C21orf58: variants seen among roughly 807,000 people sequenced by gnomAD.
The protein encoded by C21orf58 is chromosome 21 open reading frame 58, also known as uncharacterized protein C21orf58.
In C21orf58, 34 loss-of-function variants were observed where a neutral mutation model predicts 35.8. The ratio of observed to expected loss-of-function variants is 0.95; its 90% CI spans 0.72 to 1.26. The LOEUF (loss-of-function observed/expected upper bound fraction) is 1.26, where lower values mean the gene tolerates loss of function less well. Ranked by LOEUF, C21orf58 falls within the 50% of genes most tolerant of loss-of-function variation. The pLI, the probability that C21orf58 is intolerant of heterozygous loss-of-function variation, is 0.00. For missense variants in C21orf58, 440 were observed against 414.3 expected, an observed-to-expected ratio of 1.06 and a Z score of -0.54; for synonymous variants, 191 against 175.8, an observed-to-expected ratio of 1.09 and a Z score of -0.68.
At chr21:46,310,517 T>C (rs1287800133) in intron 6 of C21orf58, among the ~76,000 whole-genome samples, 1 of 147,858 alleles carries the variant, frequency 6.8e-6, no homozygotes, top group African/African-American at 2.5e-5. Context: ...AAACAAAACT[T>C]GTCAAATTGG....
intron 4 of C21orf58, 70 bp from the exon 5 acceptor site, chr21:46,314,950 ATCAGGC>A: frequency 6.5e-7 from 1 of 1,550,322 alleles, no homozygotes; most frequent in South Asian, 1.2e-5. Context: ...CACCCCCAGC[ATCAGGC>A]TCAGGCCAGC....
chr21:46,317,897 C>T (rs2083034629), intron 2 of C21orf58, 115 bp downstream of exon 2: 2 of 1,180,858 alleles, frequency 1.7e-6, no homozygotes, highest in Non-Finnish European at 2.4e-6. Flanking sequence ...CTGCCAGCCC[C>T]AGGCCTAGCC....
In C21orf58 at chr21:46,322,679, C is replaced by T; in HGVS notation, c.60G>A (p.Gln20=). ...GGCCTGAGTCAGGAGAAGGAAGTTT[C>T]TGGCGGTCGAGCTTCCACGGCTTCC... ...SLRKPWKLDR[Q]KLPSPDSGHS... is the part of the protein sequence containing the mutation. The change falls in exon 1 of 8, where the codon CAG becomes CAA. Residue 20 remains glutamine, a synonymous_variant. Coordinates refer to ENST00000291691, the MANE Select transcript of C21orf58 (RefSeq NM_058180.5). 6.3e-7 allele frequency: 1 copy of T among 1,590,208 alleles called. No individual in the cohort carries two copies. The highest frequency in any genetic ancestry group is 8.6e-7 in the Non-Finnish European group (1 of 1,167,842).
At chr21:46,304,175 C>T (rs1331951020) in intron 6 of C21orf58, among the ~76,000 whole-genome samples, 6 of 150,524 alleles carry the variant, frequency 4.0e-5, no homozygotes, top group Non-Finnish European at 7.4e-5. Flanking sequence ...TACAAGCACC[C>T]GCCACCACGC....
chr21:46,320,348 C>T lies in C21orf58; in HGVS notation c.101-2128G>A, dbSNP rs371677233. ...GAACTCCTGACCTCAAGTGATCTGCCGTCTTGGCCTCCCAAAGTGCTAGGA... is the reference window on the plus strand; with the variant it reads ...GAACTCCTGACCTCAAGTGATCTGCTGTCTTGGCCTCCCAAAGTGCTAGGA... On this transcript the variant is annotated intron_variant, in intron 1 of 7. Coordinates refer to ENST00000291691, the MANE Select transcript of C21orf58 (RefSeq NM_058180.5). Among the ~76,000 whole-genome samples, 9 of 151,776 alleles carry T rather than the reference C, an allele frequency of 5.9e-5. 1 individual carries two copies. The highest frequency in any genetic ancestry group is 3.3e-4 in the Admixed American group (5 of 15,230).
chr21:46,300,708 C>A, downstream of C21orf58: 1 of 1,286,040 alleles, frequency 7.8e-7, no homozygotes, highest in South Asian at 1.2e-5. Context: ...TCTGGTCATC[C>A]TGTCTCCTAC....
chr21:46,317,482 A>G (rs942081185), intron 2 of C21orf58: 2 of 745,146 alleles, frequency 2.7e-6, no homozygotes, highest in African/African-American at 1.8e-5. Context: ...TGTTCCATCC[A>G]CAAGTCTAGG....
At chr21:46,318,325 G>T in intron 1 of C21orf58, 105 bp from the exon 2 acceptor site, 1 of 1,517,562 alleles carries the variant, frequency 6.6e-7, no homozygotes, top group Non-Finnish European at 8.8e-7. Context: ...CAGGCTGCCA[G>T]ACACAGGGAG....
chr21:46,306,430 C>T (rs753234401), intron 6 of C21orf58, among the ~76,000 whole-genome samples: 5 of 152,006 alleles, frequency 3.3e-5, no homozygotes, highest in Admixed American at 6.6e-5. Context: ...ACCTAGGAGG[C>T]GGAGGTTGCA....
chr21:46,323,030 G>T lies in C21orf58; in HGVS notation c.-292C>A. The stretch of plus-strand genomic sequence containing the variant: ...AGACTTGGACACATGAAATAAAGGG[G>T]TTAGCTGAAGGAATACTCCACAGTT... On this transcript the variant is annotated 5_prime_UTR_variant, in exon 1 of 8. Transcript: ENST00000291691. 4.0e-6 allele frequency: 1 copy of T among 249,782 alleles called. No homozygotes were observed. The highest frequency in any genetic ancestry group is 7.6e-6 in the Non-Finnish European group (1 of 131,984). The allele number at this position is 249,782 out of a possible 1,614,324, so 15.5% of individuals were successfully genotyped here. A position where few individuals can be genotyped will look rare whatever the true frequency, so the allele number is the denominator to read the frequency against.
At chr21:46,309,856 C>T (rs191878202) in intron 6 of C21orf58, among the ~76,000 whole-genome samples, 71 of 151,910 alleles carry the variant, frequency 4.7e-4, no homozygotes, top group African/African-American at 1.3e-3. Flanking sequence ...ATTAGCAGGG[C>T]GTGGTGGCGG....
chr21:46,314,831 G>C lies in C21orf58; in HGVS notation c.494C>G (p.Pro165Arg). 6.5e-7 allele frequency: 1 copy of C among 1,549,948 alleles called. No individual in the cohort carries two copies. The highest frequency in any genetic ancestry group is 8.7e-7 in the Non-Finnish European group (1 of 1,146,590). The part of the protein sequence containing the change: ...ELSRAQAWSG[P>R]SRGALGSALP... ...GGCTGACCCGAGGGCTCCTCTGCTT[G>C]GCCCGCTCCAGGCCTGGGCCCGAGA... The change falls in exon 5 of 8, where the codon CCA becomes CGA. Residue 165 changes from proline (P) to arginine (R), a missense_variant. Physicochemically the swap from Pro to Arg is moderately radical, Grantham distance 103. Transcript: ENST00000291691.
At chr21:46,312,736 T>C (rs932027112) in intron 5 of C21orf58, among the ~76,000 whole-genome samples, 1 of 152,216 alleles carries the variant, frequency 6.6e-6, no homozygotes, top group Non-Finnish European at 1.5e-5. Context: ...GGCTTTAATT[T>C]GCATTTCCCT....
chr21:46,314,402 C>T (rs2082878506), intron 5 of C21orf58, among the ~76,000 whole-genome samples: 1 of 152,146 alleles, frequency 6.6e-6, no homozygotes, highest in Non-Finnish European at 1.5e-5. Context: ...GAGGAGTTGA[C>T]ACACTTCCCC....
At position 46,301,649 on chromosome 21, in the gene C21orf58, G is replaced by A. The variant is rs554202030; in HGVS notation, c.*350C>T. ...ATTTCATCAGGCTGGTGGCGTCCAC[G>A]GCCTCAACTTTACCTCCGTGATGGA... is the stretch of plus-strand genomic sequence containing the variant. On this transcript the variant is annotated 3_prime_UTR_variant, in exon 8 of 8. Coordinates refer to ENST00000291691, the MANE Select transcript of C21orf58 (RefSeq NM_058180.5). 25 of 1,094,018 alleles carry A rather than the reference G, an allele frequency of 2.3e-5. No homozygotes were observed. In the East Asian group the frequency reaches 7.1e-4, roughly 31 times the overall value. 67.8% of individuals were successfully genotyped at this position (1,094,018 alleles called of 1,614,324 possible). A position where few individuals can be genotyped will look rare whatever the true frequency, so the allele number is the denominator to read the frequency against.
Position 46,323,203 on chromosome 21 carries a change from C to G in C21orf58, c.-465G>C, listed in dbSNP as rs2083234874. ...CACAGGTCACAGGCGGTGCGGACCC[C>G]GGGACTGTGTCCGGGCTTCGGTGTC... On this transcript the variant is annotated 5_prime_UTR_variant, in exon 1 of 8. Transcript: ENST00000291691. The G allele has an allele frequency of 6.6e-6, 1 of 152,464 alleles. No homozygotes were observed. The highest frequency in any genetic ancestry group is 2.4e-5 in the African/African-American group (1 of 41,444). 9.4% of individuals were successfully genotyped at this position (152,464 alleles called of 1,614,324 possible). A position where few individuals can be genotyped will look rare whatever the true frequency, so the allele number is the denominator to read the frequency against.
At chr21:46,315,068 T>C in intron 4 of C21orf58, 188 bp from the exon 5 acceptor site, 1 of 1,469,872 alleles carries the variant, frequency 6.8e-7, no homozygotes, top group Non-Finnish European at 9.1e-7. Flanking sequence ...GACCCAAGCG[T>C]GTCAGCTAGT....
In C21orf58 at chr21:46,322,694, C is replaced by T; in HGVS notation, c.45G>A (p.Trp15Ter). ...RLPATSLRKPWKLDRQKLPSP... is the reference protein window; with the variant it reads ...RLPATSLRKP ...AAGGAAGTTTCTGGCGGTCGAGCTTCCACGGCTTCCTGAGGGAGGTTGCAG... is the reference window on the plus strand; with the variant it reads ...AAGGAAGTTTCTGGCGGTCGAGCTTTCACGGCTTCCTGAGGGAGGTTGCAG... Residue 15 changes from tryptophan to a stop codon, truncating the protein, a stop_gained, in exon 1 of 8, where the codon TGG becomes TGA. Transcript: ENST00000291691. LOFTEE classifies it high-confidence loss of function. The T allele has an allele frequency of 1.3e-6, 2 of 1,580,380 alleles. No homozygotes were observed. Among genetic ancestry groups the T allele is most frequent in the Non-Finnish European group, 1.7e-6 (2 of 1,162,518 alleles).
intron 7 of C21orf58, 147 bp from the exon 8 acceptor site, chr21:46,302,301 C>T: frequency 7.3e-7 from 1 of 1,361,252 alleles, no homozygotes; most frequent in Non-Finnish European, 9.8e-7. Context: ...CCTCCCCCGC[C>T]CCAAATTGTG....
Sources: gnomAD v4.1 joint callset for allele counts (sites outside exome capture counted in the v4.1 genomes callset) on GRCh38, gnomAD v4.1.1 for gene constraint, MANE v1.5 for transcripts, NCBI Gene and HGNC (gene_info 2026-07-23, HGNC 2026-07-21) for gene names.